The following SNAPC1 variants were observed in gnomAD, a reference collection of about 807,000 sequenced individuals.
SNAPC1 encodes the protein small nuclear RNA activating complex polypeptide 1.
Under a neutral mutation model 50.1 loss-of-function variants are expected in SNAPC1, and 42 were observed. The observed-to-expected ratio is 0.84, with a 90% CI of 0.65 to 1.08. The LOEUF is 1.08. Among genes scored for constraint, SNAPC1 ranks in the 50% least tolerant of loss-of-function variants. The pLI is 0.00. For missense variants in SNAPC1, 477 were observed against 427.3 expected (o/e 1.12, Z -1.02); for synonymous variants, 164 against 144.2 (o/e 1.14, Z -0.98).
At chr14:61,792,170 A>G (rs760835442) in intron 8 of SNAPC1, among the ~76,000 whole-genome samples, 9 of 152,106 alleles carry the variant, frequency 5.9e-5, no homozygotes, top group Non-Finnish European at 1.3e-4. Context: ...AAAGAAAAAC[A>G]GCATAAAAAA....
At chr14:61,774,240 C>G (rs1288941542) in intron 4 of SNAPC1, among the ~76,000 whole-genome samples, 8 of 151,098 alleles carry the variant, frequency 5.3e-5, no homozygotes, top group African/African-American at 9.8e-5. Context: ...GGGCTCAAGC[C>G]ATCCTCATGC....
Position 61,762,453 on chromosome 14 carries a change from C to T in SNAPC1, c.-8C>T, listed in dbSNP as rs759667583. 1.7e-5 allele frequency: 28 copies of T among 1,612,068 alleles called. No homozygotes were observed. Among genetic ancestry groups the T allele is most frequent in the South Asian group, 5.5e-5 (5 of 91,074 alleles). The stretch of plus-strand genomic sequence containing the variant: ...GCGGGCTTCGGAGGCGTGCGGGCTT[C>T]GGGTGCCATGGGGACTCCTCCCGGC... On this transcript the variant is annotated 5_prime_UTR_variant, in exon 1 of 10. Coordinates refer to ENST00000216294, the MANE Select transcript of SNAPC1 (RefSeq NM_003082.4).
intron 8 of SNAPC1, among the ~76,000 whole-genome samples, chr14:61,790,641 A>G (rs183682874): frequency 7.2e-5 from 11 of 152,178 alleles, no homozygotes; most frequent in African/African-American, 2.4e-4. Flanking sequence ...CCGGCTATGT[A>G]ACACTTTTTA....
chr14:61,782,210 T>G, intron 7 of SNAPC1, 37 bp from the exon 8 acceptor site: 3 of 1,459,036 alleles, frequency 2.1e-6, no homozygotes, highest in Non-Finnish European at 2.8e-6. Flanking sequence ...TGGATTCATT[T>G]TATAATTTAT....
Position 61,762,455 on chromosome 14 carries a change from G to GAGGCGTGCGGGCTTCGGA in SNAPC1, c.-6_-5insAGGCGTGCGGGCTTCGGA, listed in dbSNP as rs376062558. 1.4e-3 allele frequency: 2,207 copies of GAGGCGTGCGGGCTTCGGA among 1,608,078 alleles called. No homozygotes were observed. The highest frequency in any genetic ancestry group is 1.7e-3 in the Non-Finnish European group (1,948 of 1,176,702). On this transcript the variant is annotated 5_prime_UTR_variant, in exon 1 of 10. Transcript: ENST00000216294. ...GGGCTTCGGAGGCGTGCGGGCTTCG[G>GAGGCGTGCGGGCTTCGGA]GTGCCATGGGGACTCCTCCCGGCCT...
Position 61,782,546 on chromosome 14 carries a change from G to A in SNAPC1, c.976+149G>A, listed in dbSNP as rs574896321. ...TTAATATTAAAAATAAATTCTGTTA[G>A]ATTCTTGGAATCTTATTGCTTGAAA... On this transcript the variant is annotated intron_variant, in intron 8 of 9. Transcript: ENST00000216294. 2.1e-3 allele frequency: 1,256 copies of A among 600,794 alleles called. 18 individuals are homozygous for A. Among genetic ancestry groups the A allele is most frequent in the East Asian group, 7.9e-4 (27 of 34,104 alleles). The allele number at this position is 600,794 out of a possible 1,614,324, so 37.2% of individuals were successfully genotyped here. A position where few individuals can be genotyped will look rare whatever the true frequency, so the allele number is the denominator to read the frequency against.
At chr14:61,784,532 T>C (rs1178541092) in intron 8 of SNAPC1, among the ~76,000 whole-genome samples, 2 of 152,068 alleles carry the variant, frequency 1.3e-5, no homozygotes, top group Non-Finnish European at 2.9e-5. Context: ...TAGTAAATAG[T>C]TTAGGTTTTG....
intron 4 of SNAPC1, among the ~76,000 whole-genome samples, chr14:61,773,403 T>G (rs1414678067): frequency 6.9e-6 from 1 of 143,928 alleles, no homozygotes; most frequent in African/African-American, 2.6e-5. Context: ...CTTAGTTTTT[T>G]TTTTTTTTTT....
chr14:61,794,764 G>C (rs1427870145), intron 9 of SNAPC1, among the ~76,000 whole-genome samples, 185 bp from the exon 10 acceptor site: 3 of 152,062 alleles, frequency 2.0e-5, no homozygotes, highest in African/African-American at 7.2e-5. Flanking sequence ...GAATATGTCA[G>C]GTTTAAGATT....
chr14:61,768,630 A>G lies in SNAPC1; in HGVS notation c.430-6A>G. On this transcript the variant is annotated splice_polypyrimidine_tract_variant and splice_region_variant and intron_variant, in intron 3 of 9. Coordinates refer to ENST00000216294, the MANE Select transcript of SNAPC1 (RefSeq NM_003082.4). ...CTCATTTAAAAAGACACGTATTATC[A>G]CATAGCTGTCATATAGGATGAAGAA... The G allele has an allele frequency of 6.9e-7, 1 of 1,458,388 alleles. No individual in the cohort carries two copies. The highest frequency in any genetic ancestry group is 9.6e-7 in the Non-Finnish European group (1 of 1,041,480). The allele number at this position is 1,458,388 out of a possible 1,614,324, so 90.3% of individuals were successfully genotyped here. A position where few individuals can be genotyped will look rare whatever the true frequency, so the allele number is the denominator to read the frequency against.
At chr14:61,767,552 C>T (rs1457645171) in intron 3 of SNAPC1, among the ~76,000 whole-genome samples, 200 bp downstream of exon 3, 3 of 151,900 alleles carry the variant, frequency 2.0e-5, no homozygotes, top group Admixed American at 1.3e-4. Flanking sequence ...CAACCTCCGC[C>T]TCCCGGGTTC....
intron 9 of SNAPC1, 110 bp downstream of exon 9, chr14:61,793,012 C>G: frequency 1.8e-6 from 1 of 562,012 alleles, no homozygotes; most frequent in Non-Finnish European, 3.2e-6. Flanking sequence ...TTCTTGTGAT[C>G]CTTTCATCTT....
At position 61,782,259 on chromosome 14, in the gene SNAPC1, A is replaced by G. The variant is rs901560215; in HGVS notation, c.838A>G (p.Arg280Gly). The G allele has an allele frequency of 3.1e-6, 5 of 1,594,608 alleles. No homozygotes were observed. The African/African-American group carries it at 5.4e-5, about 17-fold the overall frequency. Residue 280 changes from arginine (R) to glycine (G), a missense_variant, in exon 8 of 10, where the codon AGA becomes GGA. Transcript: ENST00000216294. The stretch of plus-strand genomic sequence containing the variant: ...TGTAACTCTTAAGGCATCCAAATCA[A>G]GAAGGCATCGTCAAGTCAAACTCGA... ...FSVVIQASKS[R>G]RHRQVKLDSS...
chr14:61,772,052 A>G (rs181086421), intron 4 of SNAPC1, among the ~76,000 whole-genome samples: 282 of 152,244 alleles, frequency 1.9e-3, no homozygotes, highest in Middle Eastern at 0.014. Context: ...ATTCTTATCA[A>G]TATTCTAATG....
At chr14:61,776,683 A>G (rs2045037416) in intron 5 of SNAPC1, among the ~76,000 whole-genome samples, 4 of 152,202 alleles carry the variant, frequency 2.6e-5, no homozygotes. Context: ...CTAGACATAC[A>G]ACTTCTCTTA....
intron 4 of SNAPC1, among the ~76,000 whole-genome samples, chr14:61,773,980 A>G (rs551220767): frequency 2.2e-4 from 33 of 152,218 alleles, no homozygotes; most frequent in African/African-American, 6.5e-4. Context: ...AAGTGCTGGG[A>G]TTACAGGCAT....
chr14:61,787,723 G>C (rs2045125278), intron 8 of SNAPC1, among the ~76,000 whole-genome samples: 1 of 152,150 alleles, frequency 6.6e-6, no homozygotes, highest in Admixed American at 6.5e-5. Flanking sequence ...CCTAAATTTG[G>C]TTTTCAGTCT....
At chr14:61,793,184 G>T (rs979608118) in intron 9 of SNAPC1, among the ~76,000 whole-genome samples, 2 of 152,186 alleles carry the variant, frequency 1.3e-5, no homozygotes, top group Non-Finnish European at 2.9e-5. Flanking sequence ...CATCTGGACA[G>T]TGTTCCAGTA....
intron 1 of SNAPC1, among the ~76,000 whole-genome samples, chr14:61,765,475 C>T (rs1236087352): frequency 6.6e-6 from 1 of 152,126 alleles, no homozygotes; most frequent in Non-Finnish European, 1.5e-5. Context: ...TTGGTTCGTT[C>T]TGGAAAGGCG....
Sources: allele counts gnomAD v4.1 joint callset (sites outside exome capture counted in the v4.1 genomes callset), GRCh38; gene constraint gnomAD v4.1.1; transcripts MANE v1.5; gene names NCBI Gene and HGNC (gene_info 2026-07-23, HGNC 2026-07-21).